ERBIN: variants seen among roughly 807,000 people sequenced by gnomAD.
ERBIN encodes erbb2 interacting protein, also known as densin-180-like protein.
In ERBIN, 60 loss-of-function variants were observed where a neutral mutation model predicts 158.4. The observed-to-expected ratio is 0.38, with a 90% CI of 0.31 to 0.47. ERBIN has a LOEUF of 0.47. ERBIN is among the 20% of genes least tolerant of loss of function. The pLI is 0.99. For synonymous variants in ERBIN, 594 were observed against 557.2 expected (o/e 1.07, Z -0.93); for missense variants, 1,610 against 1,648.0 (o/e 0.98, Z 0.40).
In ERBIN at chr5:66,050,919, C is replaced by T; in HGVS notation, c.2040C>T (p.Leu680=). 10 of 1,606,166 alleles carry T rather than the reference C, an allele frequency of 6.2e-6. No homozygotes were observed. The highest frequency in any genetic ancestry group is 8.5e-6 in the Non-Finnish European group (10 of 1,177,928). Residue 680 remains leucine (L), a synonymous_variant, in exon 20 of 26, where the codon CTC becomes CTT. Transcript: ENST00000284037. ...CTGATAGTAGTCAAGACACCTCACTCTGCTCTCCAGTGAAACAAACTCATA... is the reference window on the plus strand; with the variant it reads ...CTGATAGTAGTCAAGACACCTCACTTTGCTCTCCAGTGAAACAAACTCATA... ...LNTDSSQDTS[L]CSPVKQTHID... is the part of the protein sequence containing the mutation.
chr5:66,071,369 A>AAAAGAAAG (rs376516733), intron 21 of ERBIN, among the ~76,000 whole-genome samples: 1 of 151,898 alleles, frequency 6.6e-6, no homozygotes, highest in Non-Finnish European at 1.5e-5. Context: ...ACTCTCTCCA[A>AAAAGAAAG]AAAGAAAGAA....
chr5:66,074,078 T>TG (rs1761767992), intron 22 of ERBIN, among the ~76,000 whole-genome samples: 1 of 132,790 alleles, frequency 7.5e-6, no homozygotes, highest in African/African-American at 2.9e-5. Flanking sequence ...TTTTTAGAGA[T>TG]GGGGTCTTGC....
intron 1 of ERBIN, among the ~76,000 whole-genome samples, chr5:65,957,198 T>C (rs1024747714): frequency 2.6e-5 from 4 of 151,772 alleles, no homozygotes; most frequent in Non-Finnish European, 4.4e-5. Context: ...ATGTAGGATT[T>C]TTTTTTTAAA....
At chr5:65,957,529 G>A (rs1335258395) in intron 1 of ERBIN, among the ~76,000 whole-genome samples, 1 of 152,160 alleles carries the variant, frequency 6.6e-6, no homozygotes, top group Non-Finnish European at 1.5e-5. Context: ...GCACCGGGTT[G>A]GGGGTAAGGT....
intron 4 of ERBIN, among the ~76,000 whole-genome samples, chr5:66,002,012 C>T (rs145625882): frequency 0.01 from 1,531 of 152,124 alleles, 23 homozygotes; most frequent in African/African-American, 0.034. Context: ...CCCCTCCCTG[C>T]GTCCATGTAT....
At chr5:66,029,547 TTTCTGTTCTG>T (rs576569457) in intron 14 of ERBIN, among the ~76,000 whole-genome samples, 3 of 151,356 alleles carry the variant, frequency 2.0e-5, no homozygotes, top group Non-Finnish European at 4.4e-5. Flanking sequence ...TGGGTACCCT[TTTCTGTTCTG>T]TTCTGTTCTG....
At chr5:66,007,820 A>G (rs1561365419) in intron 4 of ERBIN, among the ~76,000 whole-genome samples, 2 of 152,228 alleles carry the variant, frequency 1.3e-5, no homozygotes, top group Non-Finnish European at 2.9e-5. Flanking sequence ...AGTTTGAGGC[A>G]TGTGAACAAA....
At chr5:65,946,722 G>A (rs190624235) in intron 1 of ERBIN, among the ~76,000 whole-genome samples, 331 of 151,770 alleles carry the variant, frequency 2.2e-3, no homozygotes, top group Non-Finnish European at 4.0e-3. Context: ...GTACTATTTT[G>A]CATTCCCACC....
intron 5 of ERBIN, among the ~76,000 whole-genome samples, chr5:66,012,961 C>T (rs1310512888): frequency 1.3e-5 from 2 of 152,040 alleles, no homozygotes; most frequent in Admixed American, 1.3e-4. Flanking sequence ...TAATCTAAAC[C>T]AGTGGTTCTC....
intron 20 of ERBIN, 128 bp from the exon 21 acceptor site, chr5:66,053,278 A>G: frequency 2.1e-6 from 1 of 485,976 alleles, no homozygotes; most frequent in Non-Finnish European, 3.6e-6. Flanking sequence ...TTGATAATAA[A>G]TGCCTTTTGT....
intron 12 of ERBIN, 135 bp from the exon 13 acceptor site, chr5:66,026,167 T>C: frequency 2.9e-6 from 2 of 695,064 alleles, no homozygotes; most frequent in Non-Finnish European, 4.5e-6. Flanking sequence ...TAAAAATTAA[T>C]TAAAAAGAAA....
At chr5:65,986,148 G>T (rs1751206238) in intron 1 of ERBIN, among the ~76,000 whole-genome samples, 1 of 152,158 alleles carries the variant, frequency 6.6e-6, no homozygotes, top group Non-Finnish European at 1.5e-5. Context: ...TCTATAAGCA[G>T]ATGACTTTCA....
At chr5:65,962,987 T>A (rs940293709) in intron 1 of ERBIN, among the ~76,000 whole-genome samples, 1 of 152,182 alleles carries the variant, frequency 6.6e-6, no homozygotes, top group Non-Finnish European at 1.5e-5. Context: ...TTCCAGATGA[T>A]CTGTCTTGAG....
intron 1 of ERBIN, among the ~76,000 whole-genome samples, chr5:65,983,008 C>G (rs1285597300): frequency 6.6e-6 from 1 of 152,138 alleles, no homozygotes; most frequent in Non-Finnish European, 1.5e-5. Context: ...ACCATCTATA[C>G]TCTTAGAATG....
intron 1 of ERBIN, among the ~76,000 whole-genome samples, chr5:65,937,310 A>G (rs1447107424): frequency 6.6e-6 from 1 of 152,182 alleles, no homozygotes; most frequent in Admixed American, 6.5e-5. Flanking sequence ...TAGCTTTTTA[A>G]ATTTTGGCTT....
intron 15 of ERBIN, among the ~76,000 whole-genome samples, chr5:66,039,377 G>A (rs1471086888): frequency 2.0e-5 from 3 of 151,760 alleles, no homozygotes; most frequent in Admixed American, 6.6e-5. Context: ...GTCCTCTCAT[G>A]TAAAAGAACA....
chr5:66,044,906 T>C (rs924732465), intron 17 of ERBIN, among the ~76,000 whole-genome samples: 1 of 151,554 alleles, frequency 6.6e-6, no homozygotes, highest in Non-Finnish European at 1.5e-5. Flanking sequence ...TGAGACTGTT[T>C]ATACAGAAAG....
intron 20 of ERBIN, among the ~76,000 whole-genome samples, chr5:66,053,097 A>G (rs541526395): frequency 1.3e-5 from 2 of 150,322 alleles, no homozygotes; most frequent in East Asian, 3.9e-4. Context: ...TGCAGCAAAC[A>G]TTAAAATTTT....
chr5:66,078,641 T>C lies in ERBIN; in HGVS notation c.*111T>C. The C allele has an allele frequency of 7.2e-6, 5 of 689,660 alleles. No homozygotes were observed. Among genetic ancestry groups the C allele is most frequent in the East Asian group, 2.8e-5 (1 of 36,204 alleles). The allele number at this position is 689,660 out of a possible 1,614,324, so 42.7% of individuals were successfully genotyped here. On this transcript the variant is annotated 3_prime_UTR_variant, in exon 26 of 26. Transcript: ENST00000284037. ...ATATAAAGAAGAACTCAAAAAATTATGTTCAAATTTGTACATTAATGAAAT... is the reference window on the plus strand; with the variant it reads ...ATATAAAGAAGAACTCAAAAAATTACGTTCAAATTTGTACATTAATGAAAT...
Sources: allele counts gnomAD v4.1 joint callset (sites outside exome capture counted in the v4.1 genomes callset), GRCh38; gene constraint gnomAD v4.1.1; transcripts MANE v1.5; gene names NCBI Gene and HGNC (gene_info 2026-07-23, HGNC 2026-07-21).